The following MYRIP variants were observed in gnomAD, a reference collection of about 807,000 sequenced individuals.
The protein encoded by MYRIP is myosin VIIA and Rab interacting protein.
In MYRIP, 49 loss-of-function variants were observed where a neutral mutation model predicts 98.0. The observed-to-expected ratio is 0.50, with a 90% confidence interval of 0.40 to 0.63. The LOEUF is 0.63. Ranked by LOEUF, MYRIP falls within the 30% of genes least tolerant of loss-of-function variation. The probability of loss-of-function intolerance (pLI) is 0.00; values close to 1 mark genes in which losing one functional copy is unlikely to be tolerated. For synonymous variants in MYRIP, 404 were observed against 409.5 expected (o/e 0.99, Z 0.16); for missense variants, 1,004 against 1,058.2 (o/e 0.95, Z 0.71).
intron 3 of MYRIP, among the ~76,000 whole-genome samples, chr3:40,072,247 C>T (rs1948247145): frequency 6.6e-6 from 1 of 152,100 alleles, no homozygotes; most frequent in Admixed American, 6.6e-5. Context: ...CTCGCTCTCT[C>T]ACCCAGGCTG....
intron 1 of MYRIP, among the ~76,000 whole-genome samples, chr3:39,889,200 AATAATGCTGCT>A (rs1943408393): frequency 6.6e-6 from 1 of 152,226 alleles, no homozygotes; most frequent in South Asian, 2.1e-4. Flanking sequence ...AAGGAGTATA[AATAATGCTGCT>A]ATAAAGACAC....
intron 3 of MYRIP, among the ~76,000 whole-genome samples, chr3:40,149,028 G>A (rs1342216793): frequency 6.6e-6 from 1 of 152,156 alleles, no homozygotes; most frequent in African/African-American, 2.4e-5. Context: ...GGCATGTAGG[G>A]ACTCCCCCAA....
chr3:39,901,011 T>C, intron 2 of MYRIP, 85 bp downstream of exon 2: 1 of 964,178 alleles, frequency 1.0e-6, no homozygotes, highest in Non-Finnish European at 1.6e-6. Context: ...TCCCTCCTGC[T>C]AGCCCTGAGT....
chr3:39,865,269 A>T (rs965095326), intron 1 of MYRIP, among the ~76,000 whole-genome samples: 2 of 152,192 alleles, frequency 1.3e-5, no homozygotes, highest in Non-Finnish European at 2.9e-5. Flanking sequence ...AAAGATACTA[A>T]AAGCACTTGC....
At chr3:39,881,037 T>C (rs868675982) in intron 1 of MYRIP, among the ~76,000 whole-genome samples, 1 of 152,192 alleles carries the variant, frequency 6.6e-6, no homozygotes, top group African/African-American at 2.4e-5. Context: ...CTTCCAAGCT[T>C]TCTATTGAAT....
At position 40,134,931 on chromosome 3, in the gene MYRIP, GA is replaced by G. The variant is rs770815616; in HGVS notation, c.333-16111del. ...ATGTAGATAAAACCACAAAGATGGG[GA>G]AAAAACAGAGCAGAAAAACCAGAAA... is the stretch of plus-strand genomic sequence containing the variant. On this transcript the variant is annotated intron_variant, in intron 3 of 16. Transcript: ENST00000302541. Among the ~76,000 whole-genome samples, 22 of 152,088 alleles carry G rather than the reference GA, an allele frequency of 1.4e-4. No individual in the cohort carries two copies. The East Asian group carries it at 2.3e-3, about 16-fold the overall frequency.
chr3:40,242,070 C>T (rs1953033494), intron 12 of MYRIP: 1 of 152,152 alleles, frequency 6.6e-6, no homozygotes, highest in Non-Finnish European at 1.5e-5. Context: ...CTTCAGCCCT[C>T]CTGAGATCAC....
At chr3:39,962,066 G>A (rs1390126413) in intron 2 of MYRIP, among the ~76,000 whole-genome samples, 2 of 152,060 alleles carry the variant, frequency 1.3e-5, no homozygotes, top group Admixed American at 1.3e-4. Context: ...CACTCTTGAT[G>A]TCTAATTAAT....
Position 39,869,441 on chromosome 3 carries a change from CT to C in MYRIP, c.-30-31345del, listed in dbSNP as rs371810325. Among the ~76,000 whole-genome samples the C allele has an allele frequency of 3.9e-4, 60 of 152,150 alleles. 3 individuals are homozygous for C. The highest frequency in any genetic ancestry group is 1.4e-3 in the African/African-American group (60 of 41,498). ...ATTTCTATCTCTCTATTGATATTCT[CT>C]GGTGATACATCATTCTTATACTTTC... On this transcript the variant is annotated intron_variant, in intron 1 of 16. Coordinates refer to ENST00000302541, the MANE Select transcript of MYRIP (RefSeq NM_015460.4).
In MYRIP at chr3:40,054,124, T is replaced by C. The variant is rs140865755; in HGVS notation, c.332+9853T>C. ...TGAGTTGGTGGTATCCACTGAATGA[T>C]TGAATCCTTAGAAGTCTGTGTTCTT... On this transcript the variant is annotated intron_variant, in intron 3 of 16. Coordinates refer to ENST00000302541, the MANE Select transcript of MYRIP (RefSeq NM_015460.4). Among the ~76,000 whole-genome samples, 101 of 152,282 alleles carry C rather than the reference T, an allele frequency of 6.6e-4. No individual in the cohort carries two copies. In the Middle Eastern group the frequency reaches 0.01, roughly 15 times the overall value.
intron 3 of MYRIP, among the ~76,000 whole-genome samples, chr3:40,085,028 A>G (rs1559394398): frequency 6.6e-6 from 1 of 151,086 alleles, no homozygotes; most frequent in Non-Finnish European, 1.5e-5. Flanking sequence ...ATATATATCT[A>G]TGTGTTATAT....
intron 3 of MYRIP, among the ~76,000 whole-genome samples, chr3:40,122,079 C>T (rs1949416755): frequency 6.6e-6 from 1 of 151,990 alleles, no homozygotes; most frequent in African/African-American, 2.4e-5. Context: ...TAAAATGGAA[C>T]CAAATTCATC....
chr3:39,925,520 C>T (rs1168975217), intron 2 of MYRIP, among the ~76,000 whole-genome samples: 1 of 151,928 alleles, frequency 6.6e-6, no homozygotes. Context: ...TCTATTGTTC[C>T]CATCTTTATG....
chr3:39,888,479 T>G (rs1943377735), intron 1 of MYRIP, among the ~76,000 whole-genome samples: 1 of 152,086 alleles, frequency 6.6e-6, no homozygotes, highest in African/African-American at 2.4e-5. Flanking sequence ...TAGCCATATG[T>G]AGAAAGCTGA....
At chr3:40,101,772 G>GT (rs548041972) in intron 3 of MYRIP, among the ~76,000 whole-genome samples, 1 of 151,764 alleles carries the variant, frequency 6.6e-6, no homozygotes, top group Non-Finnish European at 1.5e-5. Context: ...CATTTTTGAA[G>GT]TTTTTTTTCT....
In MYRIP at chr3:40,101,311, A is replaced by T. The variant is rs150288178; in HGVS notation, c.333-49737A>T. Reference sequence around the variant, plus strand: ...TGCTGTTGAGTCATTCTGATATTTGATCCTTTCTATGTGGCTTTTTCCCCT... The same window carrying T: ...TGCTGTTGAGTCATTCTGATATTTGTTCCTTTCTATGTGGCTTTTTCCCCT... On this transcript the variant is annotated intron_variant, in intron 3 of 16. Transcript: ENST00000302541. Among the ~76,000 whole-genome samples, 175 of 152,178 alleles carry T rather than the reference A, an allele frequency of 1.1e-3. 1 individual carries two copies. Among genetic ancestry groups the T allele is most frequent in the African/African-American group, 3.7e-3 (153 of 41,530 alleles).
chr3:40,111,129 T>G (rs933199530), intron 3 of MYRIP, among the ~76,000 whole-genome samples: 1 of 151,986 alleles, frequency 6.6e-6, no homozygotes. Context: ...GGTTTCAGAG[T>G]TCCTAGGACA....
chr3:39,982,066 T>A (rs1945909879), intron 2 of MYRIP, among the ~76,000 whole-genome samples: 1 of 152,174 alleles, frequency 6.6e-6, no homozygotes, highest in Non-Finnish European at 1.5e-5. Context: ...GACAAACCTA[T>A]CTTATTACAT....
intron 3 of MYRIP, among the ~76,000 whole-genome samples, chr3:40,069,694 T>C (rs1297535101): frequency 1.3e-5 from 2 of 152,224 alleles, no homozygotes; most frequent in African/African-American, 4.8e-5. Flanking sequence ...AGTTTGCCTT[T>C]TGTGTCTTAC....
Sources: allele counts gnomAD v4.1 joint callset (sites outside exome capture counted in the v4.1 genomes callset), GRCh38; gene constraint gnomAD v4.1.1; transcripts MANE v1.5; gene names NCBI Gene and HGNC (gene_info 2026-07-23, HGNC 2026-07-21).